The following FRMD4B variants were observed in gnomAD, a reference collection of about 807,000 sequenced individuals.
The protein encoded by FRMD4B is FERM domain containing 4B.
A neutral mutation model predicts 141.5 loss-of-function variants in FRMD4B; 74 were observed. The ratio of observed to expected loss-of-function variants is 0.52; its 90% CI spans 0.43 to 0.63. The LOEUF is 0.63. Among genes scored for constraint, FRMD4B ranks in the 30% least tolerant of loss-of-function variants. FRMD4B has a pLI of 0.00. For missense variants in FRMD4B, 1,366 were observed against 1,253.4 expected, an observed-to-expected ratio of 1.09 and a Z score of -1.36; for synonymous variants, 506 against 467.9, an observed-to-expected ratio of 1.08 and a Z score of -1.05.
At chr3:69,380,464 T>A (rs866598748) in intron 1 of FRMD4B, among the ~76,000 whole-genome samples, 102 of 152,282 alleles carry the variant, frequency 6.7e-4, no homozygotes, top group African/African-American at 2.2e-3. Flanking sequence ...AGAGCTAACA[T>A]TTATTGAGCA....
At chr3:69,290,715 T>C (rs910406588) in intron 4 of FRMD4B, among the ~76,000 whole-genome samples, 5 of 152,206 alleles carry the variant, frequency 3.3e-5, no homozygotes, top group African/African-American at 1.2e-4. Context: ...CCGATTGTTC[T>C]CTCATTTAAT....
intron 2 of FRMD4B, among the ~76,000 whole-genome samples, chr3:69,415,539 C>T (rs944355584): frequency 1.3e-5 from 2 of 152,116 alleles, no homozygotes; most frequent in African/African-American, 4.8e-5. Flanking sequence ...CCATATGGAA[C>T]CCTCAGCCTC....
intron 1 of FRMD4B, chr3:69,376,943 A>T (rs1703987739): frequency 6.6e-6 from 1 of 152,166 alleles, no homozygotes; most frequent in African/African-American, 2.4e-5. Context: ...TACAAGCTCC[A>T]CCAAGAAAAG....
chr3:69,254,189 C>T (rs981137356), intron 5 of FRMD4B, among the ~76,000 whole-genome samples: 1 of 152,146 alleles, frequency 6.6e-6, no homozygotes, highest in Non-Finnish European at 1.5e-5. Flanking sequence ...ACCACAACCT[C>T]CGCCTCCCGA....
At chr3:69,472,471 G>C in intron 1 of FRMD4B, 1 of 413,876 alleles carries the variant, frequency 2.4e-6, no homozygotes, top group Non-Finnish European at 4.8e-6. Flanking sequence ...AGTACAACCA[G>C]TTGTAGTTAC....
chr3:69,206,757 G>A (rs2093027822), intron 11 of FRMD4B, among the ~76,000 whole-genome samples: 1 of 152,132 alleles, frequency 6.6e-6, no homozygotes, highest in Non-Finnish European at 1.5e-5. Flanking sequence ...TATATTGGCA[G>A]GTACTTGATG....
At chr3:69,436,628 A>G (rs982005453) in intron 1 of FRMD4B, among the ~76,000 whole-genome samples, 1 of 152,248 alleles carries the variant, frequency 6.6e-6, no homozygotes. Flanking sequence ...GGCCTTGAAC[A>G]GATATTTGTA....
chr3:69,477,176 C>A (rs1416571038), intron 1 of FRMD4B, among the ~76,000 whole-genome samples: 1 of 152,110 alleles, frequency 6.6e-6, no homozygotes, highest in Admixed American at 6.6e-5. Flanking sequence ...TTCCTCTTTT[C>A]CTAATTGAAT....
chr3:69,212,380 A>AAAAAC, intron 11 of FRMD4B, among the ~76,000 whole-genome samples: 1 of 76,698 alleles, frequency 1.3e-5, no homozygotes, highest in African/African-American at 4.7e-5. Flanking sequence ...AAAAAAAAAA[A>AAAAAC]GAAAAAAAAA....
At chr3:69,501,228 C>CTTTTTTTTT (rs534864440) in intron 1 of FRMD4B, among the ~76,000 whole-genome samples, 1 of 117,278 alleles carries the variant, frequency 8.5e-6, no homozygotes. Context: ...CATGGACCTT[C>CTTTTTTTTT]TTTTTTTTTT....
intron 18 of FRMD4B, among the ~76,000 whole-genome samples, chr3:69,188,775 A>AAAAAAAAAC: frequency 6.7e-6 from 1 of 148,198 alleles, no homozygotes; most frequent in East Asian, 2.2e-4. Context: ...AAAAAAAAAA[A>AAAAAAAAAC]AAAAAAAAAC....
chr3:69,453,979 C>T (rs571969042), intron 1 of FRMD4B, among the ~76,000 whole-genome samples: 2 of 152,302 alleles, frequency 1.3e-5, no homozygotes, highest in South Asian at 4.1e-4. Flanking sequence ...CACTGGGACC[C>T]AAGCTGGATC....
intron 1 of FRMD4B, among the ~76,000 whole-genome samples, chr3:69,321,447 G>C (rs1219151937): frequency 6.6e-6 from 1 of 152,120 alleles, no homozygotes; most frequent in Admixed American, 6.5e-5. Flanking sequence ...GCCTCCTCAG[G>C]ATTTTCTGTG....
chr3:69,308,534 C>G (rs138775858), intron 3 of FRMD4B, among the ~76,000 whole-genome samples: 105 of 151,006 alleles, frequency 7.0e-4, no homozygotes, highest in Non-Finnish European at 1.1e-3. Context: ...ACTTTCTGGG[C>G]TCATGCAATC....
chr3:69,512,982 AC>A (rs1706713225), intron 1 of FRMD4B, among the ~76,000 whole-genome samples: 1 of 152,138 alleles, frequency 6.6e-6, no homozygotes, highest in African/African-American at 2.4e-5. Context: ...CATATCAACA[AC>A]CTAACTTTAT....
chr3:69,530,489 G>A (rs1700995294), intron 1 of FRMD4B, among the ~76,000 whole-genome samples: 1 of 151,952 alleles, frequency 6.6e-6, no homozygotes, highest in Admixed American at 6.6e-5. Context: ...AACAGCCTGT[G>A]GCTCTGACCA....
intron 1 of FRMD4B, among the ~76,000 whole-genome samples, chr3:69,356,229 T>C (rs941129486): frequency 6.6e-6 from 1 of 152,178 alleles, no homozygotes; most frequent in Admixed American, 6.5e-5. Flanking sequence ...ATGCCAAGTA[T>C]TGATCCTGGG....
At chr3:69,501,578 T>A (rs1706498593) in intron 1 of FRMD4B, among the ~76,000 whole-genome samples, 1 of 152,166 alleles carries the variant, frequency 6.6e-6, no homozygotes, top group Non-Finnish European at 1.5e-5. Context: ...AATATCACAC[T>A]GAATGGGCAA....
chr3:69,169,357 T>G lies in FRMD4B; in HGVS notation c.*2504A>C, dbSNP rs56142460. ...TTGCTGAACTTCCATTTCTTTCTTTTTTTTTTTTTTTTTTTTTTCTTGAGA... is the reference window on the plus strand; with the variant it reads ...TTGCTGAACTTCCATTTCTTTCTTTGTTTTTTTTTTTTTTTTTTCTTGAGA... On this transcript the variant is annotated 3_prime_UTR_variant, in exon 23 of 23. Transcript: ENST00000398540. Among the ~76,000 whole-genome samples, 1 of 13,108 alleles carries G rather than the reference T, an allele frequency of 7.6e-5. No homozygotes were observed. Among genetic ancestry groups the G allele is most frequent in the African/African-American group, 2.2e-4 (1 of 4,464 alleles). The allele number at this position is 13,108 out of a possible 152,430, so 8.6% of individuals were successfully genotyped here.
Sources: allele counts gnomAD v4.1 joint callset (sites outside exome capture counted in the v4.1 genomes callset), GRCh38; gene constraint gnomAD v4.1.1; transcripts MANE v1.5; gene names NCBI Gene and HGNC (gene_info 2026-07-23, HGNC 2026-07-21).